Variants in GNAI1 observed in about 807,000 individuals in gnomAD.
GNAI1 encodes G protein subunit alpha i1.
A neutral mutation model predicts 38.9 loss-of-function variants in GNAI1; 11 were observed. That is an observed-to-expected ratio of 0.28 (90% CI 0.18 to 0.47). The LOEUF (loss-of-function observed/expected upper bound fraction) is 0.47. Among genes scored for constraint, GNAI1 ranks in the 20% least tolerant of loss-of-function variants. GNAI1 has a pLI of 0.99. For missense variants in GNAI1, 317 were observed against 436.9 expected, an observed-to-expected ratio of 0.73 and a Z score of 2.45; for synonymous variants, 166 against 145.1, an observed-to-expected ratio of 1.14 and a Z score of -1.04.
At chr7:80,207,781 TA>T (rs1788800372) in intron 5 of GNAI1, among the ~76,000 whole-genome samples, 1 of 152,070 alleles carries the variant, frequency 6.6e-6, no homozygotes, top group African/African-American at 2.4e-5. Flanking sequence ...TAAAAAATGG[TA>T]TTAACAAATT....
chr7:80,172,039 C>T (rs1358332659), intron 1 of GNAI1, among the ~76,000 whole-genome samples: 1 of 152,150 alleles, frequency 6.6e-6, no homozygotes, highest in East Asian at 1.9e-4. Context: ...TTGTATCAGC[C>T]TTTCTGTAAT....
intron 1 of GNAI1, among the ~76,000 whole-genome samples, chr7:80,173,672 G>A (rs1418430499): frequency 6.6e-6 from 1 of 152,158 alleles, no homozygotes. Context: ...TAGATGTGAT[G>A]TTCTGTGCCT....
intron 1 of GNAI1, among the ~76,000 whole-genome samples, chr7:80,171,282 T>C (rs1788094133): frequency 6.7e-6 from 1 of 149,500 alleles, no homozygotes; most frequent in Non-Finnish European, 1.5e-5. Flanking sequence ...GGGTGTTTCC[T>C]CAAGATTTTT....
chr7:80,158,147 C>T (rs745603447), intron 1 of GNAI1, among the ~76,000 whole-genome samples: 6 of 152,138 alleles, frequency 3.9e-5, no homozygotes, highest in Non-Finnish European at 8.8e-5. Flanking sequence ...GTAAGCCTTG[C>T]GAACAAGCAG....
chr7:80,206,755 A>G (rs1212666674), intron 5 of GNAI1, among the ~76,000 whole-genome samples: 1 of 152,070 alleles, frequency 6.6e-6, no homozygotes, highest in Non-Finnish European at 1.5e-5. Context: ...AACTACTGAT[A>G]GTACTGAACC....
Position 80,218,839 on chromosome 7 carries a change from G to T in GNAI1, c.*1346G>T, listed in dbSNP as rs930602808. On this transcript the variant is annotated 3_prime_UTR_variant, in exon 8 of 8. Coordinates refer to ENST00000649796, the MANE Select transcript of GNAI1 (RefSeq NM_002069.6). ...AAGTGTTATGTATCAGCTAGATACT[G>T]AGCTTTGATAGAATAATTTTCTTTT... The T allele has an allele frequency of 6.6e-6, 1 of 152,090 alleles. No homozygotes were observed. The highest frequency in any genetic ancestry group is 1.5e-5 in the Non-Finnish European group (1 of 68,026). 9.4% of individuals were successfully genotyped at this position (152,090 alleles called of 1,614,324 possible). A position where few individuals can be genotyped will look rare whatever the true frequency, so the allele number is the denominator to read the frequency against.
In GNAI1 at chr7:80,170,119, A is replaced by G. The variant is rs61120891; in HGVS notation, c.119-18832A>G. Reference sequence around the variant, plus strand: ...ACCATTTTGCTATTATGATGCTGCTATAAACATTCATGTACAACTTTTTGC... The same window carrying G: ...ACCATTTTGCTATTATGATGCTGCTGTAAACATTCATGTACAACTTTTTGC... On this transcript the variant is annotated intron_variant, in intron 1 of 7. Transcript: ENST00000649796. Among the ~76,000 whole-genome samples the G allele has an allele frequency of 1.1e-3, 175 of 152,320 alleles. 5 individuals carry two copies. The East Asian group carries it at 0.027, about 24-fold the overall frequency.
chr7:80,155,875 TG>T (rs1787809238), intron 1 of GNAI1, among the ~76,000 whole-genome samples: 1 of 151,632 alleles, frequency 6.6e-6, no homozygotes, highest in African/African-American at 2.4e-5. Flanking sequence ...GCCAATATGG[TG>T]AAACCTGTGT....
chr7:80,215,729 A>G (rs929046824), intron 7 of GNAI1, among the ~76,000 whole-genome samples: 1 of 151,874 alleles, frequency 6.6e-6, no homozygotes, highest in South Asian at 2.1e-4. Flanking sequence ...CAATATAACA[A>G]AAACTGAAAT....
At position 80,218,666 on chromosome 7, in the gene GNAI1, C is replaced by T. The variant is rs886771259; in HGVS notation, c.*1173C>T. 1 of 151,732 alleles carries T rather than the reference C, an allele frequency of 6.6e-6. No individual in the cohort carries two copies. Among genetic ancestry groups the T allele is most frequent in the Non-Finnish European group, 1.5e-5 (1 of 67,924 alleles). 9.4% of individuals were successfully genotyped at this position (151,732 alleles called of 1,614,324 possible). A position where few individuals can be genotyped will look rare whatever the true frequency, so the allele number is the denominator to read the frequency against. On this transcript the variant is annotated 3_prime_UTR_variant, in exon 8 of 8. Transcript: ENST00000649796. ...ACACTATGTTAAAATTACTTTTTTCCCTTAGATAATTCAAATTTCTCCACT... is the reference window on the plus strand; with the variant it reads ...ACACTATGTTAAAATTACTTTTTTCTCTTAGATAATTCAAATTTCTCCACT...
intron 1 of GNAI1, among the ~76,000 whole-genome samples, chr7:80,184,845 G>A (rs904742529): frequency 4.6e-5 from 7 of 152,064 alleles, no homozygotes; most frequent in Non-Finnish European, 8.8e-5. Flanking sequence ...CATAACCATT[G>A]CACACATATT....
At chr7:80,142,958 T>TA (rs1300954644) in intron 1 of GNAI1, among the ~76,000 whole-genome samples, 1 of 152,224 alleles carries the variant, frequency 6.6e-6, no homozygotes, top group African/African-American at 2.4e-5. Context: ...GCTGCTTTCT[T>TA]AAAATGCATA....
At chr7:80,170,324 T>C (rs1164967507) in intron 1 of GNAI1, among the ~76,000 whole-genome samples, 1 of 152,230 alleles carries the variant, frequency 6.6e-6, no homozygotes, top group African/African-American at 2.4e-5. Flanking sequence ...CTTTTTATTA[T>C]GGCCATCCTA....
chr7:80,171,980 A>G (rs1398698895), intron 1 of GNAI1, among the ~76,000 whole-genome samples: 2 of 152,234 alleles, frequency 1.3e-5, no homozygotes, highest in East Asian at 1.9e-4. Context: ...AGTGAAAAGT[A>G]TAATAGTACT....
intron 5 of GNAI1, among the ~76,000 whole-genome samples, chr7:80,209,700 C>T (rs1323705086): frequency 1.3e-5 from 2 of 152,134 alleles, no homozygotes; most frequent in African/African-American, 4.8e-5. Flanking sequence ...GAGAAGTTAT[C>T]TGAGATATGC....
chr7:80,175,612 T>G (rs1369535721), intron 1 of GNAI1, among the ~76,000 whole-genome samples: 1 of 151,854 alleles, frequency 6.6e-6, no homozygotes, highest in African/African-American at 2.4e-5. Context: ...CCAGCAAGTC[T>G]GTCAACACCA....
At chr7:80,198,667 T>G (rs1478817418) in intron 3 of GNAI1, among the ~76,000 whole-genome samples, 2 of 152,136 alleles carry the variant, frequency 1.3e-5, no homozygotes, top group African/African-American at 4.8e-5. Context: ...TGTCCATACT[T>G]AAAATCTCCT....
Position 80,211,060 on chromosome 7 carries a change from A to G in GNAI1, c.682A>G (p.Ser228Gly), listed in dbSNP as rs1187632806. The change falls in exon 6 of 8, where the codon AGT (serine) becomes GGT (glycine). Residue 228 changes from serine to glycine, a missense_variant. By Grantham distance (56) the Ser-to-Gly change is moderately conservative. Transcript: ENST00000649796. ...VTAIIFCVALSDYDLVLAEDE... is the reference protein window; with the variant it reads ...VTAIIFCVALGDYDLVLAEDE... The stretch of plus-strand genomic sequence containing the variant: ...GGCGATCATCTTCTGTGTAGCACTG[A>G]GTGACTACGACCTGGTTCTAGCTGA... 2 of 1,613,168 alleles carry G rather than the reference A, an allele frequency of 1.2e-6. No homozygotes were observed. The highest frequency in any genetic ancestry group is 2.2e-5 in the East Asian group (1 of 44,858).
rs887310611 is a variant in GNAI1 at position 80,223,462 on chromosome 7, A to G, written c.*5969A>G. On this transcript the variant is annotated 3_prime_UTR_variant, in exon 8 of 8. Transcript: ENST00000649796. The stretch of plus-strand genomic sequence containing the variant: ...TTCTGTTGTGCACTCTTGAATTTTA[A>G]TTATGTTCTGTGGAAACTTCACAGA... Among the ~76,000 whole-genome samples the G allele has an allele frequency of 3.3e-5, 5 of 152,194 alleles. No individual in the cohort carries two copies. Among genetic ancestry groups the G allele is most frequent in the African/African-American group, 1.2e-4 (5 of 41,450 alleles).
Sources: allele counts gnomAD v4.1 joint callset (sites outside exome capture counted in the v4.1 genomes callset), GRCh38; gene constraint gnomAD v4.1.1; transcripts MANE v1.5; gene names NCBI Gene and HGNC (gene_info 2026-07-23, HGNC 2026-07-21).